WWOX: variants seen among roughly 807,000 people sequenced by gnomAD.
WWOX encodes the protein WW domain-containing oxidoreductase.
In WWOX, 69 loss-of-function variants were observed where a neutral mutation model predicts 46.2. The observed-to-expected ratio is 1.49, with a 90% CI of 1.23 to 1.82. The LOEUF is 1.82. WWOX is among the 40% of genes most tolerant of loss of function. The probability of loss-of-function intolerance (pLI) is 0.00; values close to 1 mark genes in which losing one functional copy is unlikely to be tolerated. For synonymous variants in WWOX, 359 were observed against 202.6 expected, an observed-to-expected ratio of 1.77 and a Z score of -6.56; for missense variants, 919 against 542.6, an observed-to-expected ratio of 1.69 and a Z score of -6.89.
intron 8 of WWOX, among the ~76,000 whole-genome samples, chr16:78,797,739 G>A (rs7404120): frequency 0.29 from 44,855 of 152,186 alleles, 8,084 homozygotes; most frequent in Middle Eastern, 0.45. Context: ...TGTAATCCCA[G>A]CACTTTGGGA....
intron 6 of WWOX, among the ~76,000 whole-genome samples, chr16:78,392,627 G>T (rs1442037959): frequency 1.3e-5 from 2 of 152,078 alleles, no homozygotes; most frequent in African/African-American, 4.8e-5. Context: ...GTACTTTGGT[G>T]ATTGCATCTC....
At chr16:78,557,070 C>T (rs17777958) in intron 8 of WWOX, among the ~76,000 whole-genome samples, 2 of 151,894 alleles carry the variant, frequency 1.3e-5, no homozygotes, top group African/African-American at 2.4e-5. Context: ...AAGGGATTGT[C>T]CTAAGTGAGA....
intron 8 of WWOX, among the ~76,000 whole-genome samples, chr16:78,925,651 C>G (rs1036507754): frequency 6.6e-6 from 1 of 152,306 alleles, no homozygotes; most frequent in East Asian, 1.9e-4. Flanking sequence ...CTCTTTTCCT[C>G]AATGAGAACC....
At chr16:78,557,878 G>A (rs1274828234) in intron 8 of WWOX, among the ~76,000 whole-genome samples, 1 of 151,708 alleles carries the variant, frequency 6.6e-6, no homozygotes, top group Non-Finnish European at 1.5e-5. Flanking sequence ...GTATTTTTTA[G>A]TAGAAACAGT....
intron 5 of WWOX, chr16:78,179,588 A>C (rs2035462887): frequency 6.6e-6 from 1 of 152,244 alleles, no homozygotes; most frequent in African/African-American, 2.4e-5. Context: ...TGATGATAAT[A>C]ATAATAATAA....
chr16:78,624,302 G>A (rs1450364211), intron 8 of WWOX, among the ~76,000 whole-genome samples: 3 of 151,666 alleles, frequency 2.0e-5, no homozygotes, highest in Admixed American at 1.3e-4. Context: ...CCAACTGGCA[G>A]GGGCTCTGCA....
At chr16:79,040,946 T>C (rs1232184576) in intron 8 of WWOX, among the ~76,000 whole-genome samples, 6 of 151,982 alleles carry the variant, frequency 3.9e-5, no homozygotes, top group Non-Finnish European at 8.8e-5. Flanking sequence ...GAGCATGGGT[T>C]TTGGGCTGTG....
At chr16:79,142,041 A>T (rs1050347196) in intron 8 of WWOX, among the ~76,000 whole-genome samples, 1 of 152,152 alleles carries the variant, frequency 6.6e-6, no homozygotes, top group African/African-American at 2.4e-5. Flanking sequence ...CCCAGTTAAG[A>T]GGTATATATC....
At chr16:79,064,469 G>A (rs768436274) in intron 8 of WWOX, among the ~76,000 whole-genome samples, 2 of 152,206 alleles carry the variant, frequency 1.3e-5, no homozygotes, top group Non-Finnish European at 2.9e-5. Context: ...CCCATGCGTC[G>A]TCATCATCAC....
intron 8 of WWOX, among the ~76,000 whole-genome samples, chr16:78,756,767 C>G (rs2049659435): frequency 6.6e-6 from 1 of 152,182 alleles, no homozygotes; most frequent in African/African-American, 2.4e-5. Flanking sequence ...AATGTGGCCT[C>G]TGGTGATTCT....
At chr16:78,132,257 AC>A (rs1357240722) in intron 4 of WWOX, among the ~76,000 whole-genome samples, 7 of 150,280 alleles carry the variant, frequency 4.7e-5, no homozygotes, top group Non-Finnish European at 7.4e-5. Flanking sequence ...TGATCTCCTG[AC>A]CTCGTGATCT....
At chr16:78,961,272 T>C (rs912432166) in intron 8 of WWOX, among the ~76,000 whole-genome samples, 5 of 152,246 alleles carry the variant, frequency 3.3e-5, no homozygotes, top group Non-Finnish European at 1.5e-5. Context: ...TAAAACATGA[T>C]AGTTATATAT....
At chr16:78,722,237 C>T (rs11860176) in intron 8 of WWOX, among the ~76,000 whole-genome samples, 47,181 of 151,978 alleles carry the variant, frequency 0.31, 7,755 homozygotes, top group South Asian at 0.43. Flanking sequence ...TCACTGACTC[C>T]GGGTTCAGAC....
chr16:78,885,400 A>G (rs2044434030), intron 8 of WWOX, among the ~76,000 whole-genome samples: 1 of 152,228 alleles, frequency 6.6e-6, no homozygotes. Context: ...CAACAGTCAG[A>G]TAAATTAATA....
intron 5 of WWOX, chr16:78,241,241 A>G (rs2037636014): frequency 6.6e-6 from 1 of 152,162 alleles, no homozygotes; most frequent in South Asian, 2.1e-4. Context: ...TTCCCAGCAC[A>G]TAGTAAGTGC....
intron 8 of WWOX, among the ~76,000 whole-genome samples, chr16:78,660,134 G>T (rs142531473): frequency 8.5e-5 from 13 of 152,260 alleles, no homozygotes; most frequent in African/African-American, 3.1e-4. Flanking sequence ...GTTTCAGAGG[G>T]CCTTTCCCAT....
Position 78,714,957 on chromosome 16 carries a change from C to T in WWOX, c.1056+282205C>T, listed in dbSNP as rs112982058. On this transcript the variant is annotated intron_variant, in intron 8 of 8. Coordinates refer to ENST00000566780, the MANE Select transcript of WWOX (RefSeq NM_016373.4). ...GACGTGATTGTGATATAATATCATG[C>T]GGCTGAGGACAACACTATAACTGCT... is the stretch of plus-strand genomic sequence containing the variant. Among the ~76,000 whole-genome samples the T allele has an allele frequency of 7.2e-5, 11 of 152,134 alleles. No individual in the cohort carries two copies. In the East Asian group the frequency reaches 7.7e-4, roughly 11 times the overall value.
chr16:78,323,296 G>A (rs941000644), intron 5 of WWOX, among the ~76,000 whole-genome samples: 4 of 151,976 alleles, frequency 2.6e-5, no homozygotes, highest in South Asian at 2.1e-4. Flanking sequence ...TAGTAGAAAC[G>A]GGGTTTCACC....
At chr16:79,195,472 G>A (rs913473902) in intron 8 of WWOX, among the ~76,000 whole-genome samples, 1 of 152,154 alleles carries the variant, frequency 6.6e-6, no homozygotes, top group African/African-American at 2.4e-5. Context: ...TTCCTGAGGA[G>A]GGACTCATAG....
Sources: gnomAD v4.1 joint callset for allele counts (sites outside exome capture counted in the v4.1 genomes callset) on GRCh38, gnomAD v4.1.1 for gene constraint, MANE v1.5 for transcripts, NCBI Gene and HGNC (gene_info 2026-07-23, HGNC 2026-07-21) for gene names.